Variants in KIT observed in about 807,000 individuals in gnomAD.
KIT encodes the protein KIT proto-oncogene, receptor tyrosine kinase, also known as mast/stem cell growth factor receptor Kit.
A neutral mutation model predicts 105.7 loss-of-function variants in KIT; 16 were observed. That is an observed-to-expected ratio of 0.15 (90% CI 0.10 to 0.23). The LOEUF is 0.23. Ranked by LOEUF, KIT falls within the 10% of genes least tolerant of loss-of-function variation. KIT has a pLI of 1.00. For synonymous variants in KIT, 438 were observed against 441.1 expected, an observed-to-expected ratio of 0.99 and a Z score of 0.09; for missense variants, 858 against 1,213.8, an observed-to-expected ratio of 0.71 and a Z score of 4.36.
At chr4:54,687,386 C>T (rs1176144586) in intron 1 of KIT, among the ~76,000 whole-genome samples, 4 of 151,796 alleles carry the variant, frequency 2.6e-5, no homozygotes, top group East Asian at 1.9e-4. Context: ...TGTAGTGAGC[C>T]GAGATCGCGC....
In KIT at chr4:54,729,466, C is replaced by T. The variant is rs146337870; in HGVS notation, c.2122C>T (p.His708Tyr). Residue 708 changes from histidine (H) to tyrosine (Y), a missense_variant, in exon 14 of 21, where the codon CAT (histidine) becomes TAT (tyrosine). Coordinates refer to ENST00000288135, the MANE Select transcript of KIT (RefSeq NM_000222.3). Reference protein sequence around the residue: ...AEAALYKNLLHSKESSCSDST... With the variant: ...AEAALYKNLLYSKESSCSDST... ...AGCTGCACTTTATAAGAATCTTCTG[C>T]ATTCAAAGGAGTCTTCCTGGTAAGA... The T allele has an allele frequency of 3.1e-6, 5 of 1,613,340 alleles. No homozygotes were observed. The African/African-American group carries it at 4.0e-5, about 13-fold the overall frequency.
intron 1 of KIT, among the ~76,000 whole-genome samples, chr4:54,675,849 G>A (rs1215915804): frequency 2.0e-5 from 3 of 152,138 alleles, no homozygotes; most frequent in South Asian, 2.1e-4. Flanking sequence ...CAGATGTAGT[G>A]CACCAGATTG....
At chr4:54,713,809 T>A (rs948575278) in intron 7 of KIT, among the ~76,000 whole-genome samples, 1 of 152,226 alleles carries the variant, frequency 6.6e-6, no homozygotes, top group Non-Finnish European at 1.5e-5. Context: ...TCTGACAATT[T>A]GTGTTAAGAA....
chr4:54,687,113 A>G (rs1040989267), intron 1 of KIT, among the ~76,000 whole-genome samples: 4 of 152,188 alleles, frequency 2.6e-5, no homozygotes, highest in African/African-American at 4.8e-5. Flanking sequence ...CTATATTACA[A>G]TATGTAAAAC....
At position 54,738,672 on chromosome 4, in the gene KIT, TGCA is replaced by T; in HGVS notation, c.*116_*118del. On this transcript the variant is annotated 3_prime_UTR_variant, in exon 21 of 21. Coordinates refer to ENST00000288135, the MANE Select transcript of KIT (RefSeq NM_000222.3). ...AACTCCAGGATAGTGGGCACCCCAC[TGCA>T]ATCCTGTCTTTCTGAGCACACTTTA... 4 of 1,280,650 alleles carry T rather than the reference TGCA, an allele frequency of 3.1e-6. No individual in the cohort carries two copies. Among genetic ancestry groups the T allele is most frequent in the Non-Finnish European group, 4.5e-6 (4 of 890,250 alleles). 79.3% of individuals were successfully genotyped at this position (1,280,650 alleles called of 1,614,324 possible).
intron 1 of KIT, among the ~76,000 whole-genome samples, chr4:54,662,888 A>G (rs556587498): frequency 9.2e-4 from 140 of 152,230 alleles, no homozygotes; most frequent in African/African-American, 3.2e-3. Context: ...TTTTAAAAAT[A>G]AGCTTTAATT....
chr4:54,697,641 G>C (rs1720163235), intron 2 of KIT, among the ~76,000 whole-genome samples: 1 of 152,158 alleles, frequency 6.6e-6, no homozygotes. Flanking sequence ...GAAATTATTT[G>C]ATTTCCAGAA....
chr4:54,661,336 C>T (rs1717253338), intron 1 of KIT, among the ~76,000 whole-genome samples: 1 of 152,076 alleles, frequency 6.6e-6, no homozygotes, highest in Admixed American at 6.5e-5. Flanking sequence ...CCTTGGAGAA[C>T]ATTTATGTAC....
intron 5 of KIT, among the ~76,000 whole-genome samples, chr4:54,706,819 G>A (rs1404900650): frequency 1.3e-5 from 2 of 152,086 alleles, no homozygotes; most frequent in African/African-American, 4.8e-5. Flanking sequence ...ATCAAGACTA[G>A]TAGATTTAGA....
chr4:54,706,161 A>G lies in KIT; in HGVS notation c.926-937A>G, dbSNP rs1303656842. 2.6e-5 allele frequency among the ~76,000 whole-genome samples: 4 copies of G among 152,076 alleles called. 1 individual carries two copies. In the South Asian group the frequency reaches 6.2e-4, roughly 24 times the overall value. On this transcript the variant is annotated intron_variant, in intron 5 of 20. Transcript: ENST00000288135. ...GCACTTTTGTTTTTGGCCTGTAGCT[A>G]TCTATCTCATTTTAAGAAGAGTTCT... is the stretch of plus-strand genomic sequence containing the variant.
chr4:54,684,089 G>A (rs1719133300), intron 1 of KIT, among the ~76,000 whole-genome samples: 1 of 152,076 alleles, frequency 6.6e-6, no homozygotes, highest in South Asian at 2.1e-4. Flanking sequence ...TGGCCCTGAG[G>A]AGGAAACTAC....
At chr4:54,734,713 TCTC>T (rs766851057) in intron 17 of KIT, among the ~76,000 whole-genome samples, 17 of 152,176 alleles carry the variant, frequency 1.1e-4, no homozygotes, top group Admixed American at 2.0e-4. Flanking sequence ...TCATTTGAGA[TCTC>T]CTTGTTGTGT....
intron 1 of KIT, among the ~76,000 whole-genome samples, chr4:54,661,075 G>C (rs1348226259): frequency 6.6e-6 from 1 of 152,118 alleles, no homozygotes; most frequent in African/African-American, 2.4e-5. Context: ...TCCAGTTAGC[G>C]TCCCTCAGAA....
rs773216281 is a variant in KIT at position 54,699,626 on chromosome 4, C to T, written c.620-4C>T. ...TTGAGGGGCCACATTTCTTTTCATT[C>T]TAGCCTTCAAAGCTGTGCCTGTTGT... On this transcript the variant is annotated splice_region_variant and splice_polypyrimidine_tract_variant and intron_variant, in intron 3 of 20. Coordinates refer to ENST00000288135, the MANE Select transcript of KIT (RefSeq NM_000222.3). 2 of 1,613,870 alleles carry T rather than the reference C, an allele frequency of 1.2e-6. No individual in the cohort carries two copies. Among genetic ancestry groups the T allele is most frequent in the Non-Finnish European group, 1.7e-6 (2 of 1,179,832 alleles).
chr4:54,678,290 C>CTCCTTCCTTCCT (rs55800200), intron 1 of KIT, among the ~76,000 whole-genome samples: 25 of 101,638 alleles, frequency 2.5e-4, no homozygotes, highest in East Asian at 9.8e-4. Context: ...GGCTGGCTCG[C>CTCCTTCCTTCCT]TCCTTCCTTC....
At position 54,720,444 on chromosome 4, in the gene KIT, G is replaced by T. The variant is rs529733184; in HGVS notation, c.1232-3140G>T. On this transcript the variant is annotated intron_variant, in intron 7 of 20. Transcript: ENST00000288135. ...ATAACTGCTACCAGGTGTCACGCTA[G>T]AAGGCTTGGATGTTAGAGCATACTT... Among the ~76,000 whole-genome samples, 13 of 152,344 alleles carry T rather than the reference G, an allele frequency of 8.5e-5. No homozygotes were observed. The East Asian group carries it at 1.7e-3, about 20-fold the overall frequency.
Position 54,658,001 on chromosome 4 carries a change from T to TA in KIT, c.-14_-13insA. On this transcript the variant is annotated 5_prime_UTR_variant, in exon 1 of 21. Transcript: ENST00000288135. ...AACGTGGACCAGAGCTCGGATCCCA[T>TA]CGCAGCTACCGCGATGAGAGGCGCT... 6.2e-7 allele frequency: 1 copy of TA among 1,613,142 alleles called. No homozygotes were observed. Among genetic ancestry groups the TA allele is most frequent in the Non-Finnish European group, 8.5e-7 (1 of 1,179,340 alleles).
At position 54,738,650 on chromosome 4, in the gene KIT, T is replaced by A; in HGVS notation, c.*93T>A. 1 of 1,485,914 alleles carries A rather than the reference T, an allele frequency of 6.7e-7. No individual in the cohort carries two copies. Among genetic ancestry groups the A allele is most frequent in the Non-Finnish European group, 9.3e-7 (1 of 1,076,352 alleles). 92.0% of individuals were successfully genotyped at this position (1,485,914 alleles called of 1,614,324 possible). A position where few individuals can be genotyped will look rare whatever the true frequency, so the allele number is the denominator to read the frequency against. ...TCTTTTCTTTCAACTTGCATCCAAC[T>A]CCAGGATAGTGGGCACCCCACTGCA... On this transcript the variant is annotated 3_prime_UTR_variant, in exon 21 of 21. Coordinates refer to ENST00000288135, the MANE Select transcript of KIT (RefSeq NM_000222.3).
rs755351698 is a variant in KIT, at chr4:54,731,452, A to G, written c.2233+33A>G. ...CCTACCTATCAAGCAACCAAGAGTA[A>G]CTTTACAGAGAGTATGTATATCATG... On this transcript the variant is annotated intron_variant, in intron 15 of 20. Coordinates refer to ENST00000288135, the MANE Select transcript of KIT (RefSeq NM_000222.3). 7 of 1,360,338 alleles carry G rather than the reference A, an allele frequency of 5.1e-6. No homozygotes were observed. The East Asian group carries it at 1.6e-4, about 31-fold the overall frequency. 84.3% of individuals were successfully genotyped at this position (1,360,338 alleles called of 1,614,324 possible).
Sources: gnomAD v4.1 joint callset for allele counts (sites outside exome capture counted in the v4.1 genomes callset) on GRCh38, gnomAD v4.1.1 for gene constraint, MANE v1.5 for transcripts, NCBI Gene and HGNC (gene_info 2026-07-23, HGNC 2026-07-21) for gene names.